TENM3: variants seen among roughly 807,000 people sequenced by gnomAD.
The protein encoded by TENM3 is teneurin-3.
TENM3 carries 63 observed loss-of-function variants against 255.1 expected under a neutral mutation model. That is an observed-to-expected ratio of 0.25 (90% CI 0.20 to 0.30). The LOEUF is 0.30. Ranked by LOEUF, TENM3 falls within the 10% of genes least tolerant of loss-of-function variation. The pLI is 1.00. For missense variants in TENM3, 2,929 were observed against 3,461.1 expected, an observed-to-expected ratio of 0.85 and a Z score of 3.86; for synonymous variants, 1,306 against 1,322.3, an observed-to-expected ratio of 0.99 and a Z score of 0.27.
the TENM3 span, among the ~76,000 whole-genome samples, chr4:181,776,495 C>G: frequency 2.6e-5 from 4 of 152,216 alleles, no homozygotes; most frequent in South Asian, 8.3e-4. Context: ...AATCTCCATA[C>G]GGTTTTCCAT....
chr4:182,249,632 A>T (rs1029492282), intron 1 of TENM3, among the ~76,000 whole-genome samples: 13 of 152,298 alleles, frequency 8.5e-5, no homozygotes, highest in African/African-American at 3.1e-4. Context: ...GTCCCCCCAC[A>T]GTGAGGGCAC....
At chr4:181,884,706 T>C in the TENM3 span, among the ~76,000 whole-genome samples, 1 of 152,200 alleles carries the variant, frequency 6.6e-6, no homozygotes, top group African/African-American at 2.4e-5. Context: ...ATCTTTTCAG[T>C]CTTTAGATTT....
chr4:182,111,709 G>C, the TENM3 span, among the ~76,000 whole-genome samples: 1 of 152,166 alleles, frequency 6.6e-6, no homozygotes, highest in African/African-American at 2.4e-5. Context: ...GCAGTTGTAA[G>C]AGATTTATTT....
At chr4:182,620,733 A>AT (rs1180612973) in intron 4 of TENM3, among the ~76,000 whole-genome samples, 1 of 152,052 alleles carries the variant, frequency 6.6e-6, no homozygotes, top group African/African-American at 2.4e-5. Context: ...TTTTTGATTG[A>AT]TTGACTGATT....
intron 1 of TENM3, among the ~76,000 whole-genome samples, chr4:182,189,512 G>A (rs891129443): frequency 2.6e-5 from 4 of 152,186 alleles, no homozygotes; most frequent in Admixed American, 6.5e-5. Flanking sequence ...TAGATATGGA[G>A]ACTGTGTAGC....
chr4:182,678,111 A>G (rs1755804382), intron 7 of TENM3, among the ~76,000 whole-genome samples: 2 of 152,204 alleles, frequency 1.3e-5, no homozygotes, highest in South Asian at 2.1e-4. Flanking sequence ...GAAACTAGGT[A>G]ACATTCTATA....
chr4:182,183,627 T>C (rs976493398), intron 1 of TENM3, among the ~76,000 whole-genome samples: 1 of 152,132 alleles, frequency 6.6e-6, no homozygotes, highest in Non-Finnish European at 1.5e-5. Context: ...CCAGATAACA[T>C]ATGTCCATTT....
At chr4:182,673,307 T>A in intron 7 of TENM3, 88 bp downstream of exon 7, 1 of 928,712 alleles carries the variant, frequency 1.1e-6, no homozygotes, top group Non-Finnish European at 1.6e-6. Context: ...GCTGTTTGGT[T>A]AACTGTTTGA....
At chr4:182,108,045 G>A in the TENM3 span, among the ~76,000 whole-genome samples, 1 of 152,134 alleles carries the variant, frequency 6.6e-6, no homozygotes, top group Non-Finnish European at 1.5e-5. Context: ...AGTAAAACAA[G>A]TGACATAACT....
chr4:182,205,284 C>T lies in TENM3; in HGVS notation c.-76+60530C>T, dbSNP rs555779898. Among the ~76,000 whole-genome samples, 3 of 152,346 alleles carry T rather than the reference C, an allele frequency of 2.0e-5. No homozygotes were observed. In the South Asian group the frequency reaches 6.2e-4, roughly 32 times the overall value. ...TTGCTCTCCTAACTAAAATAGTTGA[C>T]GTAAGCTAAATGCTTCTTTACATTT... On this transcript the variant is annotated intron_variant, in intron 1 of 2. Transcript: ENST00000512480.
chr4:181,947,181 C>T, the TENM3 span, among the ~76,000 whole-genome samples: 159 of 152,252 alleles, frequency 1.0e-3, no homozygotes, highest in African/African-American at 3.3e-3. Flanking sequence ...GGGAATCACA[C>T]GAGACAGTGT....
the TENM3 span, among the ~76,000 whole-genome samples, chr4:182,047,629 G>A: frequency 6.6e-6 from 1 of 150,534 alleles, no homozygotes; most frequent in Non-Finnish European, 1.5e-5. Flanking sequence ...ATAGTAGGCA[G>A]CATCTATTCT....
At chr4:182,389,737 G>C (rs577347027) in intron 3 of TENM3, among the ~76,000 whole-genome samples, 38 of 146,024 alleles carry the variant, frequency 2.6e-4, no homozygotes, top group Non-Finnish European at 4.3e-4. Context: ...CCAGGCTGGA[G>C]TGCAGTGGCG....
chr4:181,629,629 G>A, the TENM3 span, among the ~76,000 whole-genome samples: 6 of 152,116 alleles, frequency 3.9e-5, no homozygotes, highest in Non-Finnish European at 7.4e-5. Context: ...TTTATATGCT[G>A]GATTACGTTT....
chr4:181,807,203 G>A, the TENM3 span, among the ~76,000 whole-genome samples: 3 of 152,208 alleles, frequency 2.0e-5, no homozygotes, highest in Admixed American at 2.0e-4. Flanking sequence ...CTCAACAGGA[G>A]AGAGCACAAC....
chr4:182,249,620 A>G (rs1379813201), intron 1 of TENM3, among the ~76,000 whole-genome samples: 6 of 152,134 alleles, frequency 3.9e-5, no homozygotes, highest in African/African-American at 7.2e-5. Context: ...TGGGAAATGT[A>G]CGTCCCCCCA....
the TENM3 span, among the ~76,000 whole-genome samples, chr4:181,642,854 A>T: frequency 1.3e-5 from 2 of 151,982 alleles, no homozygotes; most frequent in Non-Finnish European, 2.9e-5. Context: ...TTTCTGTTCC[A>T]TTGGTCTATA....
chr4:182,634,711 A>G, intron 5 of TENM3, among the ~76,000 whole-genome samples: 1 of 131,280 alleles, frequency 7.6e-6, no homozygotes, highest in African/African-American at 4.2e-5. Flanking sequence ...TGAAATTAAA[A>G]AAAAAAAAAA....
At chr4:182,011,470 T>G in the TENM3 span, among the ~76,000 whole-genome samples, 1 of 152,214 alleles carries the variant, frequency 6.6e-6, no homozygotes, top group African/African-American at 2.4e-5. Context: ...CATCCAATTT[T>G]GCTTCACTCC....
Sources: allele counts gnomAD v4.1 joint callset (sites outside exome capture counted in the v4.1 genomes callset), GRCh38; gene constraint gnomAD v4.1.1; transcripts MANE v1.5; gene names NCBI Gene and HGNC (gene_info 2026-07-23, HGNC 2026-07-21).